Variants in RNF24 observed in about 807,000 individuals in gnomAD.
RNF24 encodes the protein ring finger protein 24.
In RNF24, 14 loss-of-function variants were observed where a neutral mutation model predicts 20.0. The observed-to-expected ratio is 0.70, with a 90% confidence interval of 0.46 to 1.10. The LOEUF (loss-of-function observed/expected upper bound fraction) is 1.10, where lower values mean the gene tolerates loss of function less well. RNF24 is among the 50% of genes least tolerant of loss of function. The pLI is 0.00. For synonymous variants in RNF24, 45 were observed against 61.1 expected (o/e 0.74, Z 1.23); for missense variants, 124 against 177.6 (o/e 0.70, Z 1.71).
chr20:4,006,714 G>A (rs948693257), intron 1 of RNF24, among the ~76,000 whole-genome samples: 7 of 152,210 alleles, frequency 4.6e-5, no homozygotes, highest in Non-Finnish European at 1.0e-4. Context: ...TGCCACTGCA[G>A]GCTTTCTCCA....
In RNF24 at chr20:3,963,942, T is replaced by C; in HGVS notation, c.76A>G (p.Ile26Val). 1 of 1,612,432 alleles carries C rather than the reference T, an allele frequency of 6.2e-7. No homozygotes were observed. Among genetic ancestry groups the C allele is most frequent in the East Asian group, 2.2e-5 (1 of 44,804 alleles). Residue 26 changes from isoleucine to valine, a missense_variant, in exon 2 of 6, where the codon ATT becomes GTT. Coordinates refer to ENST00000358395, the MANE Select transcript of RNF24 (RefSeq NM_001134337.3). Reference sequence around the variant, plus strand: ...AATATAGCAGTACCAAAAACCACAATATATATGTTGAGAGGCAGATTCTGG... The same window carrying C: ...AATATAGCAGTACCAAAAACCACAACATATATGTTGAGAGGCAGATTCTGG... ...GFQNLPLNIYIVVFGTAIFVF... is the reference protein window; with the variant it reads ...GFQNLPLNIYVVVFGTAIFVF...
chr20:3,971,928 T>C (rs954575715), intron 1 of RNF24, among the ~76,000 whole-genome samples: 7 of 152,218 alleles, frequency 4.6e-5, no homozygotes, highest in South Asian at 2.1e-4. Flanking sequence ...TTAAAAATAA[T>C]GATACATGCA....
chr20:3,986,930 C>T (rs894921281), intron 1 of RNF24, among the ~76,000 whole-genome samples: 15 of 151,904 alleles, frequency 9.9e-5, no homozygotes, highest in Non-Finnish European at 4.4e-5. Context: ...TTAAAAGAGG[C>T]AGAGTCTTGC....
chr20:3,933,859 G>A lies in RNF24; in HGVS notation c.*204C>T, dbSNP rs561565190. On this transcript the variant is annotated 3_prime_UTR_variant, in exon 6 of 6. Coordinates refer to ENST00000358395, the MANE Select transcript of RNF24 (RefSeq NM_001134337.3). ...CAGGCTCATCCACTCCTCTTCTCTC[G>A]GCAGGGGGTAGTGTCAAAGTGCTTT... is the stretch of plus-strand genomic sequence containing the variant. The A allele has an allele frequency of 5.0e-6, 2 of 400,502 alleles. No individual in the cohort carries two copies. The highest frequency in any genetic ancestry group is 8.7e-6 in the Non-Finnish European group (2 of 229,368). The allele number at this position is 400,502 out of a possible 1,614,324, so 24.8% of individuals were successfully genotyped here.
chr20:3,980,514 C>T (rs1390004079), intron 1 of RNF24, among the ~76,000 whole-genome samples: 1 of 152,174 alleles, frequency 6.6e-6, no homozygotes, highest in Non-Finnish European at 1.5e-5. Flanking sequence ...CGAAAACTTA[C>T]AAATTGTTTT....
intron 2 of RNF24, among the ~76,000 whole-genome samples, chr20:3,955,961 T>A (rs2091137086): frequency 6.6e-6 from 1 of 152,170 alleles, no homozygotes; most frequent in Non-Finnish European, 1.5e-5. Context: ...ACACAACTGA[T>A]TTTTGTGTAT....
intron 2 of RNF24, among the ~76,000 whole-genome samples, chr20:3,956,487 C>A (rs144947620): frequency 0.01 from 1,546 of 151,062 alleles, 17 homozygotes; most frequent in African/African-American, 0.035. Flanking sequence ...TGTATATTTT[C>A]TTTCCTCTTT....
chr20:3,997,791 T>A (rs891638937), intron 1 of RNF24, among the ~76,000 whole-genome samples: 1 of 152,232 alleles, frequency 6.6e-6, no homozygotes, highest in African/African-American at 2.4e-5. Flanking sequence ...CTAATTAGAA[T>A]ACAGGAAATC....
chr20:3,983,160 A>G (rs2147031236), intron 1 of RNF24, among the ~76,000 whole-genome samples: 1 of 152,262 alleles, frequency 6.6e-6, no homozygotes, highest in Middle Eastern at 3.4e-3. Flanking sequence ...TGTTCATTAT[A>G]AATTTCTCAG....
chr20:4,007,463 T>C, intron 1 of RNF24, among the ~76,000 whole-genome samples: 1 of 152,024 alleles, frequency 6.6e-6, no homozygotes, highest in South Asian at 2.1e-4. Flanking sequence ...AATCTGTTGA[T>C]GATATATTGG....
At chr20:3,945,133 C>T in intron 4 of RNF24, 44 bp downstream of exon 4, 1 of 1,589,646 alleles carries the variant, frequency 6.3e-7, no homozygotes. Context: ...CATACCACTG[C>T]TACTAGAAAA....
rs2090751803 is a variant in RNF24, at chr20:3,928,019, C to T, written c.*6044G>A. ...GCCCCTCTTTTTCTTCTGATATCCC[C>T]ACTCAAATGGAAGCACACTCCCCAG... On this transcript the variant is annotated 3_prime_UTR_variant, in exon 6 of 6. Coordinates refer to ENST00000358395, the MANE Select transcript of RNF24 (RefSeq NM_001134337.3). 1 of 152,172 alleles carries T rather than the reference C, an allele frequency of 6.6e-6. No homozygotes were observed. The highest frequency in any genetic ancestry group is 1.5e-5 in the Non-Finnish European group (1 of 68,042). The allele number at this position is 152,172 out of a possible 1,614,324, so 9.4% of individuals were successfully genotyped here.
chr20:4,002,876 G>A (rs190227818), intron 1 of RNF24, among the ~76,000 whole-genome samples: 1 of 152,292 alleles, frequency 6.6e-6, no homozygotes, highest in East Asian at 1.9e-4. Flanking sequence ...TGTTCTAAAT[G>A]GATGGTGGTA....
At chr20:3,997,521 T>G (rs1167857665) in intron 1 of RNF24, among the ~76,000 whole-genome samples, 1 of 151,818 alleles carries the variant, frequency 6.6e-6, no homozygotes, top group Non-Finnish European at 1.5e-5. Flanking sequence ...CAAACTCCCA[T>G]GCCCAGACAA....
intron 2 of RNF24, among the ~76,000 whole-genome samples, chr20:3,960,338 G>A (rs1161908911): frequency 6.6e-6 from 1 of 152,152 alleles, no homozygotes; most frequent in African/African-American, 2.4e-5. Context: ...TAACAAATTA[G>A]GATCATCACA....
In RNF24 at chr20:3,933,301, A is replaced by G. The variant is rs2090847887; in HGVS notation, c.*762T>C. 2 of 397,558 alleles carry G rather than the reference A, an allele frequency of 5.0e-6. No individual in the cohort carries two copies. The highest frequency in any genetic ancestry group is 8.8e-6 in the Non-Finnish European group (2 of 226,056). The allele number at this position is 397,558 out of a possible 1,614,324, so 24.6% of individuals were successfully genotyped here. On this transcript the variant is annotated 3_prime_UTR_variant, in exon 6 of 6. Transcript: ENST00000358395. The stretch of plus-strand genomic sequence containing the variant: ...CAGCTACACTGGAACCACAGTGCAC[A>G]TGTGGGGATGTGGGCAGCCTCCTGG...
intron 1 of RNF24, among the ~76,000 whole-genome samples, chr20:3,995,314 C>T (rs1258144053): frequency 6.6e-6 from 1 of 152,102 alleles, no homozygotes; most frequent in African/African-American, 2.4e-5. Flanking sequence ...AGCCACATCT[C>T]CCTGGGCCAC....
At chr20:3,980,239 C>T (rs149692310) in intron 1 of RNF24, among the ~76,000 whole-genome samples, 165 of 152,280 alleles carry the variant, frequency 1.1e-3, no homozygotes, top group African/African-American at 3.8e-3. Flanking sequence ...AAGTGGAACT[C>T]GCTAAACTTG....
chr20:4,001,180 T>C (rs1287561752), intron 1 of RNF24, among the ~76,000 whole-genome samples: 1 of 152,034 alleles, frequency 6.6e-6, no homozygotes, highest in Admixed American at 6.6e-5. Flanking sequence ...GGCAGGATAA[T>C]TGCTTGAACC....
Sources: allele counts gnomAD v4.1 joint callset (sites outside exome capture counted in the v4.1 genomes callset), GRCh38; gene constraint gnomAD v4.1.1; transcripts MANE v1.5; gene names NCBI Gene and HGNC (gene_info 2026-07-23, HGNC 2026-07-21).